The following LNX1 variants were observed in gnomAD, a reference collection of about 807,000 sequenced individuals.
LNX1 encodes the protein ligand of numb-protein X 1.
In LNX1, 54 loss-of-function variants were observed where a neutral mutation model predicts 68.4. The ratio of observed to expected loss-of-function variants is 0.79; its 90% CI spans 0.63 to 0.99. The LOEUF (loss-of-function observed/expected upper bound fraction) is 0.99, where lower values mean the gene tolerates loss of function less well. Among genes scored for constraint, LNX1 ranks in the 50% least tolerant of loss-of-function variants. The pLI is 0.00. For missense variants in LNX1, 906 were observed against 926.4 expected (o/e 0.98, Z 0.29); for synonymous variants, 336 against 350.0 (o/e 0.96, Z 0.45).
At chr4:53,563,397 G>A (rs568501170) in intron 2 of LNX1, among the ~76,000 whole-genome samples, 2 of 152,198 alleles carry the variant, frequency 1.3e-5, no homozygotes, top group East Asian at 3.9e-4. Context: ...TAAATTCAAG[G>A]GTCTCCAGAG....
chr4:53,534,947 G>C (rs77074224), intron 2 of LNX1, among the ~76,000 whole-genome samples: 2,843 of 152,282 alleles, frequency 0.019, 76 homozygotes, highest in African/African-American at 0.06. Flanking sequence ...ACAACAGAAA[G>C]AAATGATTGC....
intron 2 of LNX1, among the ~76,000 whole-genome samples, chr4:53,571,404 G>A (rs1373507036): frequency 6.6e-6 from 1 of 152,038 alleles, no homozygotes; most frequent in Non-Finnish European, 1.5e-5. Context: ...TAGGAGGGAG[G>A]CAGGAGTCTC....
intron 1 of LNX1, among the ~76,000 whole-genome samples, chr4:53,633,244 T>C (rs1363004399): frequency 6.6e-6 from 1 of 152,216 alleles, no homozygotes; most frequent in Non-Finnish European, 1.5e-5. Context: ...ATAACAGGGA[T>C]TCAGTAATGG....
At chr4:53,583,975 G>A (rs374945491) in intron 1 of LNX1, among the ~76,000 whole-genome samples, 4 of 137,096 alleles carry the variant, frequency 2.9e-5, no homozygotes, top group South Asian at 2.3e-4. Context: ...CAACAACAAC[G>A]ACAAATGAAG....
chr4:53,515,519 C>CT (rs1726705353), intron 2 of LNX1, among the ~76,000 whole-genome samples: 1 of 136,240 alleles, frequency 7.3e-6, no homozygotes, highest in African/African-American at 2.8e-5. Context: ...CCCCACCCCA[C>CT]CAAAAAAAAA....
intron 2 of LNX1, among the ~76,000 whole-genome samples, chr4:53,535,416 A>G (rs1728301864): frequency 1.3e-5 from 2 of 152,224 alleles, no homozygotes; most frequent in Admixed American, 1.3e-4. Flanking sequence ...GTCCATCAAG[A>G]ATAGCAAACT....
intron 4 of LNX1, among the ~76,000 whole-genome samples, chr4:53,506,832 C>T (rs1300767299): frequency 1.2e-5 from 1 of 85,844 alleles, no homozygotes; most frequent in South Asian, 3.2e-4. Context: ...GCACTCCAGC[C>T]TGGGCGACAA....
At chr4:53,602,421 G>A (rs1733055814) in intron 2 of LNX1, among the ~76,000 whole-genome samples, 1 of 152,216 alleles carries the variant, frequency 6.6e-6, no homozygotes, top group African/African-American at 2.4e-5. Flanking sequence ...TCAGCTGTCA[G>A]AGTAATCCCA....
At chr4:53,501,245 T>C (rs1725452511) in intron 4 of LNX1, among the ~76,000 whole-genome samples, 1 of 147,300 alleles carries the variant, frequency 6.8e-6, no homozygotes, top group African/African-American at 2.5e-5. Flanking sequence ...TTTTGTTTAG[T>C]CTTCACAATA....
chr4:53,491,507 A>G (rs1441590356), intron 6 of LNX1, among the ~76,000 whole-genome samples: 2 of 152,192 alleles, frequency 1.3e-5, no homozygotes, highest in Non-Finnish European at 2.9e-5. Flanking sequence ...GCATGGTACC[A>G]CACACCTCTT....
intron 1 of LNX1, among the ~76,000 whole-genome samples, chr4:53,645,689 G>A (rs915379070): frequency 1.3e-5 from 2 of 152,104 alleles, no homozygotes; most frequent in African/African-American, 4.8e-5. Flanking sequence ...GGAACAAGGG[G>A]TCTACACTGC....
chr4:53,460,424 C>CTTAA lies in LNX1; in HGVS notation c.*479_*482dup, dbSNP rs1553927746. The CTTAA allele has an allele frequency of 5.3e-6, 1 of 189,256 alleles. No homozygotes were observed. Among genetic ancestry groups the CTTAA allele is most frequent in the Non-Finnish European group, 1.1e-5 (1 of 90,450 alleles). The allele number at this position is 189,256 out of a possible 1,614,324, so 11.7% of individuals were successfully genotyped here. A position where few individuals can be genotyped will look rare whatever the true frequency, so the allele number is the denominator to read the frequency against. On this transcript the variant is annotated 3_prime_UTR_variant, in exon 11 of 11. Transcript: ENST00000263925. ...TAAATAGTGATAATACAAAAGTAAT[C>CTTAA]TTAATTAGTATCACATACTAAAAGA... is the stretch of plus-strand genomic sequence containing the variant.
intron 9 of LNX1, among the ~76,000 whole-genome samples, chr4:53,470,305 A>C (rs1411771648): frequency 1.3e-5 from 2 of 152,206 alleles, no homozygotes; most frequent in East Asian, 3.9e-4. Context: ...CATGCTAAAA[A>C]CTCTCAATAA....
Position 53,514,465 on chromosome 4 carries a change from G to A in LNX1, c.381-6238C>T, listed in dbSNP as rs574301281. Among the ~76,000 whole-genome samples, 4 of 149,906 alleles carry A rather than the reference G, an allele frequency of 2.7e-5. 1 individual carries two copies. Among genetic ancestry groups the A allele is most frequent in the South Asian group, 2.2e-4 (1 of 4,600 alleles). The stretch of plus-strand genomic sequence containing the variant: ...AGAAGATGAGGAGGAGCAAAGTGAC[G>A]TCTCATATGGCGGCAGGCAAGAGGG... On this transcript the variant is annotated intron_variant, in intron 2 of 10. Transcript: ENST00000263925.
chr4:53,581,468 G>A (rs1490182038), intron 1 of LNX1, among the ~76,000 whole-genome samples: 1 of 152,078 alleles, frequency 6.6e-6, no homozygotes, highest in Non-Finnish European at 1.5e-5. Flanking sequence ...ATACTGCTAT[G>A]AAGAAATTAC....
chr4:53,651,258 C>T (rs1735085614), intron 1 of LNX1, among the ~76,000 whole-genome samples: 1 of 152,216 alleles, frequency 6.6e-6, no homozygotes, highest in South Asian at 2.1e-4. Context: ...TTATGTTGAG[C>T]TCGTTTGAAG....
chr4:53,501,309 G>GGGGGGA (rs1560630604), intron 4 of LNX1, among the ~76,000 whole-genome samples: 1 of 115,890 alleles, frequency 8.6e-6, no homozygotes, highest in Non-Finnish European at 1.8e-5. Flanking sequence ...TGGGGGTGGG[G>GGGGGGA]GGACAGGATC....
At chr4:53,466,799 C>T (rs1400366988) in intron 9 of LNX1, among the ~76,000 whole-genome samples, 1 of 152,240 alleles carries the variant, frequency 6.6e-6, no homozygotes, top group Non-Finnish European at 1.5e-5. Context: ...CCCGCCATTG[C>T]CCAGGCTTGA....
In LNX1 at chr4:53,538,933, G is replaced by A. The variant is rs1282422175; in HGVS notation, c.381-30706C>T. 2.0e-5 allele frequency among the ~76,000 whole-genome samples: 3 copies of A among 152,224 alleles called. No homozygotes were observed. The East Asian group carries it at 5.8e-4, about 29-fold the overall frequency. ...ATCACAGGGAACAAGCCAAATGGCC[G>A]ATTAACAGTCATGCACAGACAGTCT... On this transcript the variant is annotated intron_variant, in intron 2 of 10. Transcript: ENST00000263925.
Sources: allele counts gnomAD v4.1 joint callset (sites outside exome capture counted in the v4.1 genomes callset), GRCh38; gene constraint gnomAD v4.1.1; transcripts MANE v1.5; gene names NCBI Gene and HGNC (gene_info 2026-07-23, HGNC 2026-07-21).